SKI: variants seen among roughly 807,000 people sequenced by gnomAD.
The protein encoded by SKI is SKI proto-oncogene, also known as ski oncogene.
A neutral mutation model predicts 59.3 loss-of-function variants in SKI; 23 were observed. The observed-to-expected ratio is 0.39, with a 90% CI of 0.28 to 0.55. The LOEUF is 0.55. Ranked by LOEUF, SKI falls within the 20% of genes least tolerant of loss-of-function variation. The pLI is 0.67. For missense variants in SKI, 1,017 were observed against 1,038.9 expected (o/e 0.98, Z 0.29); for synonymous variants, 673 against 488.6 (o/e 1.38, Z -4.98).
intron 5 of SKI, among the ~76,000 whole-genome samples, chr1:2,305,147 C>A (rs967534314): frequency 1.3e-5 from 2 of 152,206 alleles, no homozygotes; most frequent in Non-Finnish European, 2.9e-5. Flanking sequence ...ACACACACAC[C>A]CACCTGCACA....
intron 1 of SKI, among the ~76,000 whole-genome samples, chr1:2,247,695 A>G (rs1639029121): frequency 6.6e-6 from 1 of 152,034 alleles, no homozygotes; most frequent in African/African-American, 2.4e-5. Context: ...CTTGGCCTTG[A>G]CTTTTTCCTG....
chr1:2,298,648 C>T (rs1640348223), intron 1 of SKI, among the ~76,000 whole-genome samples: 1 of 152,236 alleles, frequency 6.6e-6, no homozygotes, highest in Non-Finnish European at 1.5e-5. Context: ...AACTCACAGG[C>T]AGGCCTGTCT....
intron 1 of SKI, among the ~76,000 whole-genome samples, chr1:2,287,823 G>T (rs889885633): frequency 2.0e-5 from 3 of 152,156 alleles, no homozygotes; most frequent in African/African-American, 7.2e-5. Flanking sequence ...CCTTTCTGGG[G>T]TCTCCAGTGT....
At chr1:2,273,095 C>T (rs181927110) in intron 1 of SKI, among the ~76,000 whole-genome samples, 114 of 152,358 alleles carry the variant, frequency 7.5e-4, no homozygotes, top group African/African-American at 2.6e-3. Flanking sequence ...AGATGGCTTC[C>T]GAGGCCATTT....
chr1:2,279,609 A>G (rs1639827348), intron 1 of SKI, among the ~76,000 whole-genome samples: 1 of 150,742 alleles, frequency 6.6e-6, no homozygotes, highest in Non-Finnish European at 1.5e-5. Flanking sequence ...AGTGGGTGAG[A>G]CGAGGGAGGG....
intron 1 of SKI, among the ~76,000 whole-genome samples, chr1:2,266,273 C>T (rs536077096): frequency 2.0e-5 from 3 of 152,276 alleles, no homozygotes; most frequent in African/African-American, 7.2e-5. Flanking sequence ...TCTTCCCCAG[C>T]CTCGTGGAGT....
At chr1:2,249,738 T>G (rs1219257517) in intron 1 of SKI, among the ~76,000 whole-genome samples, 1 of 152,220 alleles carries the variant, frequency 6.6e-6, no homozygotes, top group Non-Finnish European at 1.5e-5. Flanking sequence ...GGCCTCCCTG[T>G]CCTGCCTCCT....
At chr1:2,305,147 C>G (rs967534314) in intron 5 of SKI, among the ~76,000 whole-genome samples, 1 of 152,206 alleles carries the variant, frequency 6.6e-6, no homozygotes, top group African/African-American at 2.4e-5. Flanking sequence ...ACACACACAC[C>G]CACCTGCACA....
intron 5 of SKI, among the ~76,000 whole-genome samples, chr1:2,305,142 C>T (rs1395913155): frequency 6.6e-6 from 1 of 152,254 alleles, no homozygotes; most frequent in African/African-American, 2.4e-5. Context: ...CAGACACACA[C>T]ACACCCACCT....
chr1:2,237,989 C>T lies in SKI; in HGVS notation c.969+8254C>T, dbSNP rs563414793. ...CCCTCGTGTGGCGGGCGTCTCTCCC[C>T]GGTGCCCTCCCGCCTGGTGCTGTCA... On this transcript the variant is annotated intron_variant, in intron 1 of 6. Coordinates refer to ENST00000378536, the MANE Select transcript of SKI (RefSeq NM_003036.4). Among the ~76,000 whole-genome samples the T allele has an allele frequency of 1.9e-3, 284 of 152,332 alleles. 2 individuals carry two copies. The highest frequency in any genetic ancestry group is 6.4e-3 in the African/African-American group (267 of 41,586).
At chr1:2,294,099 G>A (rs1436992142) in intron 1 of SKI, among the ~76,000 whole-genome samples, 1 of 152,170 alleles carries the variant, frequency 6.6e-6, no homozygotes, top group Admixed American at 6.5e-5. Context: ...AGGGTCTCGG[G>A]GTGGTCCTGA....
At chr1:2,289,318 G>T (rs111988553) in intron 1 of SKI, among the ~76,000 whole-genome samples, 2 of 152,124 alleles carry the variant, frequency 1.3e-5, no homozygotes, top group South Asian at 4.1e-4. Flanking sequence ...ATCCCTCTTC[G>T]GTGAGGGTGG....
At chr1:2,247,321 C>T (rs948990650) in intron 1 of SKI, among the ~76,000 whole-genome samples, 4 of 112,312 alleles carry the variant, frequency 3.6e-5, no homozygotes, top group African/African-American at 8.7e-5. Context: ...GGGGCGCCCT[C>T]AGCCTGGAGC....
Position 2,303,119 on chromosome 1 carries a change from T to C in SKI, c.1095+16T>C, listed in dbSNP as rs1399844784. ...TTCCAATAAGGTGCTGTGGGGCCTG[T>C]CGGGGTCCTTGGGGTGGTGGGTACT... On this transcript the variant is annotated intron_variant, in intron 2 of 6. Transcript: ENST00000378536. This position sits in a 1 kb window ranked among gnomAD's most constrained non-coding sequence, Gnocchi z 5.6. The C allele has an allele frequency of 6.2e-7, 1 of 1,612,976 alleles. No homozygotes were observed. The highest frequency in any genetic ancestry group is 8.5e-7 in the Non-Finnish European group (1 of 1,179,990).
rs760799232 is a variant in SKI at position 2,304,052 on chromosome 1, A to G, written c.1424A>G (p.Glu475Gly). The change falls in exon 4 of 7, where the codon GAG becomes GGG. Residue 475 changes from glutamate to glycine, a missense_variant. Physicochemically the swap from Glu to Gly is moderately conservative, Grantham distance 98 (BLOSUM62 -2). Coordinates refer to ENST00000378536, the MANE Select transcript of SKI (RefSeq NM_003036.4). ...ACGCTGGCGCCCGTGGCTGCCCCAG[A>G]GGAGGACAAGGACTCGGAGGCGGAG... The part of the protein sequence containing the change: ...PETLAPVAAP[E>G]EDKDSEAEVE... 4.3e-6 allele frequency: 7 copies of G among 1,612,566 alleles called. No homozygotes were observed. Among genetic ancestry groups the G allele is most frequent in the Middle Eastern group, 1.7e-4 (1 of 6,040 alleles).
At chr1:2,287,457 C>T (rs1159789908) in intron 1 of SKI, among the ~76,000 whole-genome samples, 1 of 151,880 alleles carries the variant, frequency 6.6e-6, no homozygotes. Context: ...CTGCCTCAGC[C>T]TCCCGAGTAG....
chr1:2,254,990 C>T (rs1300746350), intron 1 of SKI, among the ~76,000 whole-genome samples: 1 of 152,220 alleles, frequency 6.6e-6, no homozygotes, highest in Non-Finnish European at 1.5e-5. Context: ...CCTCTGTGTC[C>T]TGTGGTGCGT....
At chr1:2,292,870 T>C (rs1640194676) in intron 1 of SKI, among the ~76,000 whole-genome samples, 1 of 152,164 alleles carries the variant, frequency 6.6e-6, no homozygotes, top group Non-Finnish European at 1.5e-5. Context: ...AAGCAACGCC[T>C]GTCCCTGGCG....
intron 1 of SKI, among the ~76,000 whole-genome samples, chr1:2,248,334 GC>G (rs1639043182): frequency 2.0e-5 from 3 of 152,386 alleles, no homozygotes; most frequent in Admixed American, 2.0e-4. Context: ...GGAATCAGGA[GC>G]AGGCTGTGGG....
Sources: allele counts gnomAD v4.1 joint callset (sites outside exome capture counted in the v4.1 genomes callset), GRCh38; gene constraint gnomAD v4.1.1; non-coding constraint Gnocchi (gnomAD v3.1); transcripts MANE v1.5; gene names NCBI Gene and HGNC (gene_info 2026-07-23, HGNC 2026-07-21).